The following ADGRG4 variants were observed in gnomAD, a reference collection of about 807,000 sequenced individuals.
The protein encoded by ADGRG4 is adhesion G protein-coupled receptor G4.
Under a neutral mutation model 126.2 loss-of-function variants are expected in ADGRG4, and 122 were observed. The ratio of observed to expected loss-of-function variants is 0.97; its 90% confidence interval spans 0.83 to 1.12. The LOEUF (loss-of-function observed/expected upper bound fraction) is 1.12. Ranked by LOEUF, ADGRG4 falls within the 50% of genes most tolerant of loss-of-function variation. The probability of loss-of-function intolerance (pLI) is 0.00; values close to 1 mark genes in which losing one functional copy is unlikely to be tolerated. For synonymous variants in ADGRG4, 943 were observed against 838.7 expected (o/e 1.12, Z -2.15); for missense variants, 2,481 against 2,251.8 (o/e 1.10, Z -2.06).
chrX:136,359,198 A>G (rs2075112238), intron 10 of ADGRG4, 94 bp from the exon 11 acceptor site: 3 of 700,524 alleles, frequency 4.3e-6, no homozygotes, highest in African/African-American at 2.2e-5. Flanking sequence ...TGAACTACCA[A>G]TTAAATCAGC....
chrX:136,344,168 C>T (rs974647797), intron 5 of ADGRG4, among the ~76,000 whole-genome samples: 7 of 111,339 alleles, frequency 6.3e-5, no homozygotes, highest in African/African-American at 1.3e-4. Context: ...GAAGATACTA[C>T]GAAATGGATA....
intron 15 of ADGRG4, among the ~76,000 whole-genome samples, chrX:136,383,601 A>G (rs2075274703): frequency 9.0e-6 from 1 of 111,469 alleles, no homozygotes; most frequent in East Asian, 2.8e-4. Context: ...CATCCTGATA[A>G]TATCTGACTT....
At position 136,347,099 on chromosome X, in the gene ADGRG4, C is replaced by T; in HGVS notation, c.3393C>T (p.Thr1131=). The part of the protein sequence containing the change: ...TAKAETTLFS[T]SVDTVTPSTH... ...AGGCTGAGACCACCCTTTTCTCTAC[C>T]TCAGTTGATACAGTAACCCCATCTA... is the stretch of plus-strand genomic sequence containing the variant. The change falls in exon 6 of 26, where the codon ACC becomes ACT. Residue 1131 remains threonine, a synonymous_variant. Coordinates refer to ENST00000394143, the MANE Select transcript of ADGRG4 (RefSeq NM_153834.4). 1 of 1,209,209 alleles carries T rather than the reference C, an allele frequency of 8.3e-7. No individual in the cohort carries two copies.
chrX:136,333,873 T>A (rs1209940988), intron 5 of ADGRG4, among the ~76,000 whole-genome samples: 1 of 112,029 alleles, frequency 8.9e-6, no homozygotes, highest in African/African-American at 3.2e-5. Context: ...TTTGTTAAAG[T>A]CTAGTTTATT....
intron 15 of ADGRG4, among the ~76,000 whole-genome samples, chrX:136,374,524 G>C (rs1325053805): frequency 9.0e-6 from 1 of 111,005 alleles, no homozygotes; most frequent in African/African-American, 3.3e-5. Context: ...CTGCCTCCCA[G>C]ATTCAAGCGA....
chrX:136,378,809 T>C (rs1464396116), intron 15 of ADGRG4, among the ~76,000 whole-genome samples: 2 of 112,044 alleles, frequency 1.8e-5, no homozygotes, highest in African/African-American at 6.5e-5. Context: ...TTTTAAAATA[T>C]TAAGCCAATC....
intron 5 of ADGRG4, among the ~76,000 whole-genome samples, chrX:136,328,339 G>A (rs954341058): frequency 2.7e-5 from 3 of 111,879 alleles, no homozygotes; most frequent in Admixed American, 9.5e-5. Context: ...TGAAGCAACC[G>A]TAAAGAAATT....
intron 24 of ADGRG4, among the ~76,000 whole-genome samples, chrX:136,413,386 A>G (rs1242493537): frequency 6.4e-5 from 7 of 109,992 alleles, no homozygotes; most frequent in South Asian, 4.0e-4. Context: ...ATGATTTCCA[A>G]TTTCATCCAT....
At chrX:136,311,327 A>G (rs762979225) in intron 4 of ADGRG4, among the ~76,000 whole-genome samples, 16 of 109,299 alleles carry the variant, frequency 1.5e-4, no homozygotes, top group Non-Finnish European at 2.7e-4. Context: ...TGTGTAATGG[A>G]TATGGGTAGG....
intron 19 of ADGRG4, 86 bp downstream of exon 19, chrX:136,395,579 T>C (rs2075342888): frequency 2.1e-6 from 1 of 486,498 alleles, no homozygotes; most frequent in East Asian, 4.0e-5. Context: ...TATTAAAAAA[T>C]GGTATGCATT....
Position 136,373,041 on chromosome X carries a change from T to C in ADGRG4, c.7753T>C (p.Tyr2585His), listed in dbSNP as rs145241863. 1.2e-5 allele frequency: 14 copies of C among 1,206,875 alleles called. No individual in the cohort carries two copies. The highest frequency in any genetic ancestry group is 4.4e-5 in the Admixed American group (2 of 45,533). ...TGGCATGGCTTTCAGCATTCACTCC[T>C]ATGAAGAAGGCACAGACCCTGAGGT... ...FDGMAFSIHS[Y>H]EEGTDPEIFL... is the part of the protein sequence containing the mutation. Residue 2585 changes from tyrosine to histidine, a missense_variant, in exon 15 of 26, where the codon TAT becomes CAT. Tyr to His is a moderately conservative substitution (Grantham distance 83). Transcript: ENST00000394143.
intron 13 of ADGRG4, among the ~76,000 whole-genome samples, chrX:136,365,219 A>G (rs774179425): frequency 9.0e-6 from 1 of 111,617 alleles, no homozygotes; most frequent in Non-Finnish European, 1.9e-5. Context: ...TGCAACCATC[A>G]TCACTAATTC....
At chrX:136,399,329 T>C (rs1190199321) in intron 20 of ADGRG4, among the ~76,000 whole-genome samples, 2 of 112,584 alleles carry the variant, frequency 1.8e-5, no homozygotes, top group Non-Finnish European at 3.8e-5. Flanking sequence ...AAATATTTAA[T>C]AACAGCGTAA....
intron 12 of ADGRG4, among the ~76,000 whole-genome samples, chrX:136,362,475 T>C (rs978891737): frequency 8.0e-5 from 9 of 111,889 alleles, no homozygotes; most frequent in African/African-American, 2.9e-4. Context: ...AGCATGATTT[T>C]CCTGAAGTAT....
chrX:136,313,241 A>G (rs1413324376), intron 4 of ADGRG4, among the ~76,000 whole-genome samples: 1 of 112,228 alleles, frequency 8.9e-6, no homozygotes, highest in African/African-American at 3.2e-5. Context: ...ACCATTTTCC[A>G]AAGAAGCTGC....
chrX:136,348,039 C>T lies in ADGRG4; in HGVS notation c.4333C>T (p.Gln1445Ter). The T allele has an allele frequency of 8.3e-7, 1 of 1,209,846 alleles. No homozygotes were observed. Among genetic ancestry groups the T allele is most frequent in the Admixed American group, 2.2e-5 (1 of 45,998 alleles). The change falls in exon 6 of 26, where the codon CAA (glutamine) becomes TAA (stop). Residue 1445 changes from glutamine (Q) to a stop codon, truncating the protein, a stop_gained. Coordinates refer to ENST00000394143, the MANE Select transcript of ADGRG4 (RefSeq NM_153834.4). LOFTEE classifies it high-confidence loss of function. ...TTCACACTTGCATTCACTTAGGACA[C>T]AACCTGAGGTGACTTCAGTTGCCTC... ...TFSHLHSLRT[Q>*]PEVTSVASFI...
At position 136,416,482 on chromosome X, in the gene ADGRG4, C is replaced by T; in HGVS notation, c.9234C>T (p.Ser3078=). 8.4e-7 allele frequency: 1 copy of T among 1,194,665 alleles called. No individual in the cohort carries two copies. Among genetic ancestry groups the T allele is most frequent in the South Asian group, 1.8e-5 (1 of 55,130 alleles). ...ACTTTGACAAAGATCCTTACTGTTCCTCTCCTTGATTTGTGAAGTTGTGCC... is the reference window on the plus strand; with the variant it reads ...ACTTTGACAAAGATCCTTACTGTTCTTCTCCTTGATTTGTGAAGTTGTGCC... ...NDDFDKDPYC[S]SP Residue 3078 remains serine, a synonymous_variant, in exon 26 of 26, where the codon TCC becomes TCT. Coordinates refer to ENST00000394143, the MANE Select transcript of ADGRG4 (RefSeq NM_153834.4).
At chrX:136,330,801 C>A (rs1366900169) in intron 5 of ADGRG4, among the ~76,000 whole-genome samples, 1 of 111,102 alleles carries the variant, frequency 9.0e-6, no homozygotes, top group Non-Finnish European at 1.9e-5. Context: ...GGTACCCATC[C>A]CCTCAAGTAT....
At chrX:136,391,066 A>G (rs1378005000) in intron 16 of ADGRG4, among the ~76,000 whole-genome samples, 1 of 111,185 alleles carries the variant, frequency 9.0e-6, no homozygotes, top group African/African-American at 3.3e-5. Context: ...AACAGGAAGT[A>G]AGTAGAGTCC....
Sources: allele counts gnomAD v4.1 joint callset (sites outside exome capture counted in the v4.1 genomes callset), GRCh38; gene constraint gnomAD v4.1.1; transcripts MANE v1.5; gene names NCBI Gene and HGNC (gene_info 2026-07-23, HGNC 2026-07-21).